Variants in KCTD16 observed in about 807,000 individuals in gnomAD.
KCTD16 encodes BTB/POZ domain-containing protein KCTD16.
Under a neutral mutation model 33.2 loss-of-function variants are expected in KCTD16, and 13 were observed. That is an observed-to-expected ratio of 0.39 (90% CI 0.25 to 0.62). The LOEUF (loss-of-function observed/expected upper bound fraction) is 0.62, where lower values mean the gene tolerates loss of function less well. Among genes scored for constraint, KCTD16 ranks in the 20% least tolerant of loss-of-function variants. KCTD16 has a pLI of 0.50. For missense variants in KCTD16, 441 were observed against 525.1 expected (o/e 0.84, Z 1.57); for synonymous variants, 197 against 195.3 (o/e 1.01, Z -0.07).
chr5:144,339,387 C>A (rs10070040), intron 3 of KCTD16, among the ~76,000 whole-genome samples: 5 of 152,008 alleles, frequency 3.3e-5, no homozygotes, highest in African/African-American at 9.7e-5. Flanking sequence ...GATCACTGCC[C>A]TCTCTCCTTT....
intron 3 of KCTD16, among the ~76,000 whole-genome samples, chr5:144,318,811 C>T (rs1053815276): frequency 6.6e-6 from 1 of 152,090 alleles, no homozygotes; most frequent in Non-Finnish European, 1.5e-5. Context: ...AAATGAGGTG[C>T]CCACCACCTC....
intron 3 of KCTD16, among the ~76,000 whole-genome samples, chr5:144,349,427 G>A (rs1484956462): frequency 6.6e-6 from 1 of 152,172 alleles, no homozygotes; most frequent in African/African-American, 2.4e-5. Context: ...ACAAATGGCA[G>A]CTATGATTTT....
At chr5:144,278,396 T>C (rs1755497068) in intron 3 of KCTD16, among the ~76,000 whole-genome samples, 1 of 151,878 alleles carries the variant, frequency 6.6e-6, no homozygotes, top group African/African-American at 2.4e-5. Flanking sequence ...TCCTGTTTAC[T>C]GTCGTGTTAA....
At chr5:144,397,600 A>G (rs755116432) in intron 3 of KCTD16, among the ~76,000 whole-genome samples, 1 of 152,060 alleles carries the variant, frequency 6.6e-6, no homozygotes, top group Non-Finnish European at 1.5e-5. Flanking sequence ...TTGTTTCCTG[A>G]CTTTTTAATG....
At chr5:144,219,544 G>A (rs1375725437) in intron 3 of KCTD16, among the ~76,000 whole-genome samples, 4 of 80,906 alleles carry the variant, frequency 4.9e-5, no homozygotes, top group South Asian at 3.0e-4. Context: ...TTTTTGAGAC[G>A]GAGTCTCGCT....
intron 3 of KCTD16, among the ~76,000 whole-genome samples, chr5:144,314,321 A>G (rs750351098): frequency 6.6e-5 from 10 of 152,182 alleles, no homozygotes; most frequent in Non-Finnish European, 1.2e-4. Context: ...GCTCTGCCAC[A>G]GCAAATTGAG....
intron 3 of KCTD16, among the ~76,000 whole-genome samples, chr5:144,252,074 T>C (rs1453106125): frequency 6.6e-6 from 1 of 152,182 alleles, no homozygotes; most frequent in African/African-American, 2.4e-5. Flanking sequence ...AACATATTCA[T>C]TGCTTCACAT....
At chr5:144,258,804 ATGT>A (rs201648837) in intron 3 of KCTD16, among the ~76,000 whole-genome samples, 4,825 of 152,270 alleles carry the variant, frequency 0.032, 114 homozygotes, top group Non-Finnish European at 0.047. Flanking sequence ...CAGTGCTATT[ATGT>A]CATTTTATAG....
chr5:144,272,501 C>T (rs1158437950), intron 3 of KCTD16, among the ~76,000 whole-genome samples: 1 of 151,938 alleles, frequency 6.6e-6, no homozygotes, highest in Non-Finnish European at 1.5e-5. Flanking sequence ...TCAAGAGACC[C>T]CCAAAAGCCA....
intron 2 of KCTD16, among the ~76,000 whole-genome samples, chr5:144,186,582 AAGC>A (rs1708732763): frequency 6.6e-6 from 1 of 152,178 alleles, no homozygotes; most frequent in Non-Finnish European, 1.5e-5. Flanking sequence ...TCTTAAAAGA[AAGC>A]AGAAGGACTT....
chr5:144,268,991 G>A (rs2126845187), intron 3 of KCTD16, among the ~76,000 whole-genome samples: 1 of 152,152 alleles, frequency 6.6e-6, no homozygotes, highest in Non-Finnish European at 1.5e-5. Context: ...TGAACAAGGA[G>A]AAGAAACAAT....
At chr5:144,321,524 T>C (rs1359076086) in intron 3 of KCTD16, among the ~76,000 whole-genome samples, 1 of 152,214 alleles carries the variant, frequency 6.6e-6, no homozygotes, top group Non-Finnish European at 1.5e-5. Flanking sequence ...CAAACTTCTC[T>C]GCTTGGCTGT....
At position 144,252,891 on chromosome 5, in the gene KCTD16, CT is replaced by C. The variant is rs796121886; in HGVS notation, c.832+45358del. 4.1e-3 allele frequency among the ~76,000 whole-genome samples: 560 copies of C among 138,240 alleles called. 1 individual carries two copies. The highest frequency in any genetic ancestry group is 9.3e-3 in the Admixed American group (130 of 13,944). 90.7% of individuals were successfully genotyped at this position (138,240 alleles called of 152,430 possible). A position where few individuals can be genotyped will look rare whatever the true frequency, so the allele number is the denominator to read the frequency against. ...GTTGTTTTTTTTTCTCTCATCTTGC[CT>C]TTTTTTTTTTTTCTCCTTCTCCCCT... is the stretch of plus-strand genomic sequence containing the variant. On this transcript the variant is annotated intron_variant, in intron 3 of 3. Coordinates refer to ENST00000512467, the MANE Select transcript of KCTD16 (RefSeq NM_020768.4).
At chr5:144,371,015 C>G (rs10039910) in intron 3 of KCTD16, among the ~76,000 whole-genome samples, 7 of 151,920 alleles carry the variant, frequency 4.6e-5, no homozygotes, top group Non-Finnish European at 1.0e-4. Flanking sequence ...ATGCCATCAT[C>G]TCAGAAACAA....
At chr5:144,447,559 AAAAAAAG>A (rs1418040178) in intron 3 of KCTD16, among the ~76,000 whole-genome samples, 5 of 152,204 alleles carry the variant, frequency 3.3e-5, no homozygotes, top group South Asian at 2.1e-4. Flanking sequence ...AGTATAATTT[AAAAAAAG>A]AAAAAAGAAA....
At chr5:144,410,634 G>A (rs955587520) in intron 3 of KCTD16, among the ~76,000 whole-genome samples, 1 of 152,202 alleles carries the variant, frequency 6.6e-6, no homozygotes, top group Admixed American at 6.5e-5. Flanking sequence ...GTGACATTTG[G>A]TCTTTATCCT....
intron 3 of KCTD16, among the ~76,000 whole-genome samples, chr5:144,215,554 A>G (rs575792292): frequency 6.6e-6 from 1 of 152,342 alleles, no homozygotes. Flanking sequence ...CAACTTTGCT[A>G]CCACCAGATA....
chr5:144,435,503 G>A (rs1300599991), intron 3 of KCTD16, among the ~76,000 whole-genome samples: 1 of 151,078 alleles, frequency 6.6e-6, no homozygotes, highest in African/African-American at 2.5e-5. Flanking sequence ...TGAACATACT[G>A]TAAGTATCAG....
intron 3 of KCTD16, among the ~76,000 whole-genome samples, chr5:144,435,748 C>T (rs1753561105): frequency 6.6e-6 from 1 of 151,860 alleles, no homozygotes; most frequent in Non-Finnish European, 1.5e-5. Context: ...TGTGCTTTTG[C>T]CATCCTTGGT....
Sources: allele counts gnomAD v4.1 joint callset (sites outside exome capture counted in the v4.1 genomes callset), GRCh38; gene constraint gnomAD v4.1.1; transcripts MANE v1.5; gene names NCBI Gene and HGNC (gene_info 2026-07-23, HGNC 2026-07-21).